The following MSS51 variants were observed in gnomAD, a reference collection of about 807,000 sequenced individuals.
MSS51 encodes the protein putative protein MSS51 homolog, mitochondrial.
Under a neutral mutation model 40.2 loss-of-function variants are expected in MSS51, and 32 were observed. The observed-to-expected ratio is 0.80, with a 90% CI of 0.60 to 1.07. The LOEUF (loss-of-function observed/expected upper bound fraction) is 1.07, where lower values mean the gene tolerates loss of function less well. Among genes scored for constraint, MSS51 ranks in the 50% least tolerant of loss-of-function variants. The pLI, the probability that MSS51 is intolerant of heterozygous loss-of-function variation, is 0.00. For missense variants in MSS51, 518 were observed against 568.9 expected (o/e 0.91, Z 0.91); for synonymous variants, 178 against 214.2 (o/e 0.83, Z 1.48).
chr10:73,429,156 A>T (rs1184186842), intron 1 of MSS51, among the ~76,000 whole-genome samples: 1 of 152,082 alleles, frequency 6.6e-6, no homozygotes, highest in Non-Finnish European at 1.5e-5. Context: ...CGGTGAGCCG[A>T]GATCGCACCA....
chr10:73,427,570 G>A (rs1589674821), intron 3 of MSS51, 43 bp downstream of exon 3: 1 of 1,566,582 alleles, frequency 6.4e-7, no homozygotes, highest in Non-Finnish European at 8.7e-7. Flanking sequence ...GGCTAATACA[G>A]GATCATTTCT....
rs1337942399 is a variant in MSS51 at position 73,428,185 on chromosome 10, T to A, written c.100A>T (p.Thr34Ser). Reference protein sequence around the residue: ...PTTIVTPVPLTPSKPGPSIDT... With the variant: ...PTTIVTPVPLSPSKPGPSIDT... The stretch of plus-strand genomic sequence containing the variant: ...ATGCTAGGGCCAGGTTTTGAGGGGG[T>A]CAGAGGCACAGGGGTCACAATTGTG... Residue 34 changes from threonine to serine, a missense_variant, in exon 2 of 7, where the codon ACC (threonine) becomes TCC (serine). Thr to Ser is a moderately conservative substitution (Grantham distance 58). Transcript: ENST00000299432. 5.0e-6 allele frequency: 8 copies of A among 1,613,528 alleles called. No homozygotes were observed. Among genetic ancestry groups the A allele is most frequent in the Non-Finnish European group, 6.8e-6 (8 of 1,179,938 alleles).
intron 3 of MSS51, 53 bp downstream of exon 3, chr10:73,427,560 G>T: frequency 6.5e-7 from 1 of 1,544,094 alleles, no homozygotes; most frequent in Non-Finnish European, 8.8e-7. Flanking sequence ...CATCATGCCC[G>T]GCTAATACAG....
chr10:73,427,548 G>A, intron 3 of MSS51, 65 bp downstream of exon 3: 1 of 1,489,874 alleles, frequency 6.7e-7, no homozygotes, highest in Non-Finnish European at 9.1e-7. Context: ...ACAGGCATGA[G>A]TCATCATGCC....
intron 6 of MSS51, 135 bp downstream of exon 6, chr10:73,424,963 G>T: frequency 3.6e-6 from 3 of 825,918 alleles, no homozygotes; most frequent in East Asian, 2.4e-5. Context: ...TGTTCCAAGG[G>T]GATAAAAAAG....
chr10:73,426,165 C>A lies in MSS51; in HGVS notation c.715G>T (p.Val239Phe), dbSNP rs1468212517. ...QGSLKRLLTD[V>F]LSRPLTLGLG... The stretch of plus-strand genomic sequence containing the variant: ...CCTAGAGTCAAGGGCCGTGACAGGA[C>A]ATCTGTCAGCAGCCGCTTCAAAGAT... The change falls in exon 5 of 7, where the codon GTC (valine) becomes TTC (phenylalanine). Residue 239 changes from valine to phenylalanine, a missense_variant. Coordinates refer to ENST00000299432, the MANE Select transcript of MSS51 (RefSeq NM_001024593.2). 1.9e-6 allele frequency: 3 copies of A among 1,614,074 alleles called. No homozygotes were observed. Among genetic ancestry groups the A allele is most frequent in the Non-Finnish European group, 8.5e-7 (1 of 1,180,018 alleles).
intron 1 of MSS51, chr10:73,429,531 A>C (rs2056012932): frequency 2.3e-6 from 1 of 439,216 alleles, no homozygotes; most frequent in African/African-American, 2.0e-5. Context: ...ATGTAATACA[A>C]AACGTGCACT....
In MSS51 at chr10:73,426,349, C is replaced by A. The variant is rs1384234267; in HGVS notation, c.531G>T (p.Trp177Cys). 1 of 1,602,766 alleles carries A rather than the reference C, an allele frequency of 6.2e-7. No homozygotes were observed. The highest frequency in any genetic ancestry group is 8.5e-7 in the Non-Finnish European group (1 of 1,179,934). The change falls in exon 5 of 7, where the codon TGG becomes TGT. Residue 177 changes from tryptophan to cysteine, a missense_variant. Trp to Cys is a radical substitution (Grantham distance 215, BLOSUM62 -2). Transcript: ENST00000299432. ...TGDFVLPSGP[W>C]PWPPEAVQDW... Reference sequence around the variant, plus strand: ...CCTGTACAGCTTCAGGTGGCCATGGCCAAGGTCCTGAGGGTAGAACAAAAT... The same window carrying A: ...CCTGTACAGCTTCAGGTGGCCATGGACAAGGTCCTGAGGGTAGAACAAAAT...
chr10:73,427,628 A>G lies in MSS51; in HGVS notation c.362T>C (p.Leu121Pro), dbSNP rs767557875. The G allele has an allele frequency of 1.9e-6, 3 of 1,611,522 alleles. No individual in the cohort carries two copies. In the African/African-American group the frequency reaches 4.0e-5, roughly 22 times the overall value. Residue 121 changes from leucine (L) to proline (P), a missense_variant, in exon 3 of 7, where the codon CTC becomes CCC. By Grantham distance (98) the Leu-to-Pro change is moderately conservative. Coordinates refer to ENST00000299432, the MANE Select transcript of MSS51 (RefSeq NM_001024593.2). ...LPSGLSDSKV[L>P]RHCKRCRNVY... is the part of the protein sequence containing the mutation. ...AACAAGTCACCTCTTACAGTGCCGGAGAACCTTGGAGTCTGAAAGCCCACT... is the reference window on the plus strand; with the variant it reads ...AACAAGTCACCTCTTACAGTGCCGGGGAACCTTGGAGTCTGAAAGCCCACT...
intron 5 of MSS51, 101 bp downstream of exon 5, chr10:73,425,710 G>T: frequency 2.2e-5 from 21 of 942,982 alleles, no homozygotes; most frequent in South Asian, 3.3e-5. Context: ...ATCATATTGT[G>T]TTTAATGAGA....
intron 3 of MSS51, 150 bp downstream of exon 3, chr10:73,427,463 A>G: frequency 1.4e-6 from 1 of 721,302 alleles, no homozygotes; most frequent in Non-Finnish European, 2.3e-6. Context: ...TTTTTAGTAG[A>G]GACAGGGTTT....
Position 73,426,043 on chromosome 10 carries a change from G to T in MSS51, c.837C>A (p.Arg279=), listed in dbSNP as rs770557679. 4 of 1,614,078 alleles carry T rather than the reference G, an allele frequency of 2.5e-6. No individual in the cohort carries two copies. The East Asian group carries it at 8.9e-5, about 36-fold the overall frequency. Residue 279 remains arginine, a synonymous_variant, in exon 5 of 7, where the codon CGC becomes CGA. Coordinates refer to ENST00000299432, the MANE Select transcript of MSS51 (RefSeq NM_001024593.2). ...GASHVETFLT[R]PGDYDELGYM... ...AACCAAGCTCATCATAGTCCCCTGG[G>T]CGAGTAAGAAATGTCTCCACATGGG...
At chr10:73,427,559 C>T (rs529341790) in intron 3 of MSS51, 54 bp downstream of exon 3, 17 of 1,532,788 alleles carry the variant, frequency 1.1e-5, no homozygotes, top group African/African-American at 5.5e-5. Context: ...TCATCATGCC[C>T]GGCTAATACA....
At position 73,424,412 on chromosome 10, in the gene MSS51, C is replaced by G; in HGVS notation, c.*141G>C. The stretch of plus-strand genomic sequence containing the variant: ...AGAAACCAGTTATGTTATACAGAAA[C>G]TCTCATTCAGCTTAGAATTTTTACC... On this transcript the variant is annotated 3_prime_UTR_variant, in exon 7 of 7. Coordinates refer to ENST00000299432, the MANE Select transcript of MSS51 (RefSeq NM_001024593.2). The G allele has an allele frequency of 1.5e-6, 1 of 678,928 alleles. No individual in the cohort carries two copies. Among genetic ancestry groups the G allele is most frequent in the Non-Finnish European group, 2.6e-6 (1 of 386,954 alleles). The allele number at this position is 678,928 out of a possible 1,614,324, so 42.1% of individuals were successfully genotyped here.
rs758912489 is a variant in MSS51 at position 73,424,790 on chromosome 10, G to A, written c.1164-18C>T. On this transcript the variant is annotated intron_variant, in intron 6 of 6. Transcript: ENST00000299432. The stretch of plus-strand genomic sequence containing the variant: ...CCTGATGGCTGTAGAAGAGAGAGAA[G>A]AAAAATTACTCTACTGATTGTGACA... 7.9e-5 allele frequency: 125 copies of A among 1,581,868 alleles called. No individual in the cohort carries two copies. In the African/African-American group the frequency reaches 1.3e-3, roughly 17 times the overall value.
rs1313680538 is a variant in MSS51 at position 73,425,975 on chromosome 10, C to A, written c.905G>T (p.Gly302Val). The change falls in exon 5 of 7, where the codon GGT (glycine) becomes GTT (valine). Residue 302 changes from glycine to valine, a missense_variant. By Grantham distance (109) the Gly-to-Val change is moderately radical. Transcript: ENST00000299432. Reference sequence around the variant, plus strand: ...TGAAAAGCCAGTAGCTACATCTACACCCACCATGACCACACGGAGTCCAAG... The same window carrying A: ...TGAAAAGCCAGTAGCTACATCTACAACCACCATGACCACACGGAGTCCAAG... ...GHLGLRVVMV[G>V]VDVATGFSQS... The A allele has an allele frequency of 1.9e-6, 3 of 1,614,090 alleles. No homozygotes were observed. Among genetic ancestry groups the A allele is most frequent in the African/African-American group, 2.7e-5 (2 of 74,928 alleles).
rs61744605 is a variant in MSS51, at chr10:73,425,990, C to T, written c.890G>A (p.Arg297His). The T allele has an allele frequency of 0.012, 18,820 of 1,614,036 alleles. 1,013 individuals are homozygous for T. The African/African-American group carries it at 0.16, about 13-fold the overall frequency. Residue 297 changes from arginine (R) to histidine (H), a missense_variant, in exon 5 of 7, where the codon CGT becomes CAT. By Grantham distance (29) the Arg-to-His change is conservative. Coordinates refer to ENST00000299432, the MANE Select transcript of MSS51 (RefSeq NM_001024593.2). ...TACATCTACACCCACCATGACCACA[C>T]GGAGTCCAAGGTGCCCAGGAAACAT... The part of the protein sequence containing the change: ...GYMFPGHLGL[R>H]VVMVGVDVAT...
At chr10:73,429,623 G>A (rs1013184820) in intron 1 of MSS51, 5 of 456,494 alleles carry the variant, frequency 1.1e-5, no homozygotes, top group East Asian at 7.0e-5. Context: ...ACTCAGTCAC[G>A]ATCTGGCTGT....
Position 73,426,013 on chromosome 10 carries a change from C to G in MSS51, c.867G>C (p.Met289Ile). The G allele has an allele frequency of 6.2e-7, 1 of 1,614,216 alleles. No individual in the cohort carries two copies. Among genetic ancestry groups the G allele is most frequent in the Non-Finnish European group, 8.5e-7 (1 of 1,180,042 alleles). The change falls in exon 5 of 7, where the codon ATG becomes ATC. Residue 289 changes from methionine (M) to isoleucine (I), a missense_variant. By Grantham distance (10) the Met-to-Ile change is conservative (BLOSUM62 1). Coordinates refer to ENST00000299432, the MANE Select transcript of MSS51 (RefSeq NM_001024593.2). ...CACGGAGTCCAAGGTGCCCAGGAAA[C>G]ATGTAACCAAGCTCATCATAGTCCC... The part of the protein sequence containing the change: ...RPGDYDELGY[M>I]FPGHLGLRVV...
Sources: allele counts gnomAD v4.1 joint callset (sites outside exome capture counted in the v4.1 genomes callset), GRCh38; gene constraint gnomAD v4.1.1; transcripts MANE v1.5; gene names NCBI Gene and HGNC (gene_info 2026-07-23, HGNC 2026-07-21).